Variants in NCKAP5 observed in about 807,000 individuals in gnomAD.
NCKAP5 encodes the protein NCK associated protein 5, also known as nck-associated protein 5.
NCKAP5 carries 92 observed loss-of-function variants against 167.0 expected under a neutral mutation model. The observed-to-expected ratio is 0.55, with a 90% confidence interval of 0.47 to 0.66. The LOEUF is 0.66. Ranked by LOEUF, NCKAP5 falls within the 30% of genes least tolerant of loss-of-function variation. NCKAP5 has a pLI of 0.00. For missense variants in NCKAP5, 2,378 were observed against 2,315.0 expected (o/e 1.03, Z -0.56); for synonymous variants, 891 against 877.4 (o/e 1.02, Z -0.27).
rs558681437 is a variant in NCKAP5 at position 132,960,016 on chromosome 2, A to G, written c.579+3704T>C. 9.9e-5 allele frequency among the ~76,000 whole-genome samples: 15 copies of G among 152,252 alleles called. No individual in the cohort carries two copies. The East Asian group carries it at 2.5e-3, about 26-fold the overall frequency. On this transcript the variant is annotated intron_variant, in intron 8 of 19. Transcript: ENST00000409261. ...ACCAGGACCCTAAACACAAATTACA[A>G]TTGAAGCCCAGGGGAAGCAGTGGCT...
At chr2:132,707,238 C>A (rs1192300713) in intron 19 of NCKAP5, among the ~76,000 whole-genome samples, 1 of 152,266 alleles carries the variant, frequency 6.6e-6, no homozygotes, top group African/African-American at 2.4e-5. Context: ...GGACTCTTCA[C>A]TGGAACTCAG....
At chr2:133,062,391 C>A (rs923482329) in intron 6 of NCKAP5, among the ~76,000 whole-genome samples, 18 of 152,248 alleles carry the variant, frequency 1.2e-4, no homozygotes, top group Non-Finnish European at 2.4e-4. Flanking sequence ...GTGTATTATG[C>A]AGATTTGGAG....
intron 8 of NCKAP5, among the ~76,000 whole-genome samples, chr2:132,921,037 A>G (rs1409583601): frequency 6.6e-6 from 1 of 151,602 alleles, no homozygotes; most frequent in Non-Finnish European, 1.5e-5. Context: ...ATCAAAGTCC[A>G]TCATCAGCAG....
At chr2:133,477,660 T>C (rs915700956) in intron 3 of NCKAP5, among the ~76,000 whole-genome samples, 1 of 152,214 alleles carries the variant, frequency 6.6e-6, no homozygotes, top group African/African-American at 2.4e-5. Context: ...TATAACCATA[T>C]ACTGCAATAA....
chr2:133,418,664 G>A (rs891538649), intron 3 of NCKAP5, among the ~76,000 whole-genome samples: 3 of 152,178 alleles, frequency 2.0e-5, no homozygotes, highest in African/African-American at 7.2e-5. Flanking sequence ...GTATATACCA[G>A]TGCAAGGCAA....
At chr2:133,404,681 G>T (rs1280371512) in intron 3 of NCKAP5, among the ~76,000 whole-genome samples, 1 of 152,182 alleles carries the variant, frequency 6.6e-6, no homozygotes, top group Non-Finnish European at 1.5e-5. Flanking sequence ...GCAGAAAAAT[G>T]ATATCTTTTT....
intron 3 of NCKAP5, among the ~76,000 whole-genome samples, chr2:133,446,426 C>T (rs902925903): frequency 1.3e-5 from 2 of 152,182 alleles, no homozygotes; most frequent in African/African-American, 4.8e-5. Context: ...AAGCCCTTTT[C>T]GTGTAATAAC....
chr2:133,157,482 T>C (rs1301787786), intron 5 of NCKAP5, among the ~76,000 whole-genome samples: 1 of 152,214 alleles, frequency 6.6e-6, no homozygotes, highest in South Asian at 2.1e-4. Flanking sequence ...GCTAATCTTA[T>C]TGAGTGTTTG....
intron 5 of NCKAP5, among the ~76,000 whole-genome samples, chr2:133,188,399 T>C (rs139586286): frequency 0.012 from 1,841 of 152,010 alleles, 41 homozygotes; most frequent in African/African-American, 0.042. Context: ...AACAAGGATA[T>C]CCAGGAACTG....
chr2:133,647,763 GA>G, the NCKAP5 span, among the ~76,000 whole-genome samples: 1 of 87,766 alleles, frequency 1.1e-5, no homozygotes, highest in Non-Finnish European at 2.4e-5. Context: ...GAAAAGAAAA[GA>G]AAAAAGAAAA....
At chr2:133,489,526 A>G (rs528864868) in intron 3 of NCKAP5, among the ~76,000 whole-genome samples, 1 of 152,338 alleles carries the variant, frequency 6.6e-6, no homozygotes, top group African/African-American at 2.4e-5. Context: ...TCTAACACAC[A>G]TTGATGTAGT....
chr2:133,498,265 C>T (rs1330752342), intron 3 of NCKAP5, among the ~76,000 whole-genome samples: 2 of 152,068 alleles, frequency 1.3e-5, no homozygotes, highest in Admixed American at 1.3e-4. Context: ...CAAACTGCTG[C>T]AAAAGGCTGG....
intron 6 of NCKAP5, among the ~76,000 whole-genome samples, chr2:133,057,136 A>C (rs1426307700): frequency 6.6e-6 from 1 of 152,172 alleles, no homozygotes; most frequent in African/African-American, 2.4e-5. Flanking sequence ...TAATTTAATC[A>C]ATAAACGTGT....
intron 5 of NCKAP5, among the ~76,000 whole-genome samples, chr2:133,181,123 GA>G (rs2084712528): frequency 6.6e-6 from 1 of 150,598 alleles, no homozygotes; most frequent in South Asian, 2.1e-4. Flanking sequence ...TTTCACAACT[GA>G]AGCAAAAACA....
chr2:133,111,804 G>C lies in NCKAP5; in HGVS notation c.341+18174C>G, dbSNP rs771136453. On this transcript the variant is annotated intron_variant, in intron 6 of 19. Coordinates refer to ENST00000409261, the MANE Select transcript of NCKAP5 (RefSeq NM_207363.3). Reference sequence around the variant, plus strand: ...GGCTGTGATGAACATTTGGCTAACAGATTGCTTAAGTGAAAAACACAAGAG... The same window carrying C: ...GGCTGTGATGAACATTTGGCTAACACATTGCTTAAGTGAAAAACACAAGAG... 2.2e-4 allele frequency among the ~76,000 whole-genome samples: 34 copies of C among 152,280 alleles called. 1 individual carries two copies. The highest frequency in any genetic ancestry group is 5.2e-4 in the Admixed American group (8 of 15,298).
At chr2:133,191,983 G>A (rs938389448) in intron 5 of NCKAP5, among the ~76,000 whole-genome samples, 2 of 151,880 alleles carry the variant, frequency 1.3e-5, no homozygotes, top group South Asian at 2.1e-4. Flanking sequence ...ATATGGAAAG[G>A]CAAAGCTAAA....
chr2:133,459,379 T>C (rs896503834), intron 3 of NCKAP5, among the ~76,000 whole-genome samples: 2 of 152,148 alleles, frequency 1.3e-5, no homozygotes, highest in African/African-American at 4.8e-5. Flanking sequence ...CAAGACTTCA[T>C]GGGCTAACAA....
At chr2:133,646,622 C>A in the NCKAP5 span, among the ~76,000 whole-genome samples, 1 of 151,976 alleles carries the variant, frequency 6.6e-6, no homozygotes, top group Non-Finnish European at 1.5e-5. Context: ...AACAAAAAAA[C>A]CCTAAGCAGC....
Position 133,484,830 on chromosome 2 carries a change from G to C in NCKAP5, c.69+32628C>G, listed in dbSNP as rs186573930. Among the ~76,000 whole-genome samples, 274 of 152,158 alleles carry C rather than the reference G, an allele frequency of 1.8e-3. 1 individual carries two copies. Among genetic ancestry groups the C allele is most frequent in the African/African-American group, 5.8e-3 (239 of 41,498 alleles). ...ATCAAAAAAAAATTGAAATCTGAAA[G>C]ACTTCTGTTTTCCAGCATTTTGGAT... On this transcript the variant is annotated intron_variant, in intron 3 of 19. Transcript: ENST00000409261.
Sources: gnomAD v4.1 joint callset for allele counts (sites outside exome capture counted in the v4.1 genomes callset) on GRCh38, gnomAD v4.1.1 for gene constraint, MANE v1.5 for transcripts, NCBI Gene and HGNC (gene_info 2026-07-23, HGNC 2026-07-21) for gene names.